The following ITGAM variants were observed in gnomAD, a reference collection of about 807,000 sequenced individuals.
The protein encoded by ITGAM is integrin alpha-M.
ITGAM carries 79 observed loss-of-function variants against 137.5 expected under a neutral mutation model. That is an observed-to-expected ratio of 0.57 (90% confidence interval 0.48 to 0.69). The LOEUF is 0.69. Ranked by LOEUF, ITGAM falls within the 30% of genes least tolerant of loss-of-function variation. The pLI, the probability that ITGAM is intolerant of heterozygous loss-of-function variation, is 0.00. For missense variants in ITGAM, 1,343 were observed against 1,483.5 expected (o/e 0.91, Z 1.56); for synonymous variants, 583 against 592.3 (o/e 0.98, Z 0.23).
chr16:31,282,722 A>G (rs2079983498), intron 12 of ITGAM, among the ~76,000 whole-genome samples: 1 of 152,132 alleles, frequency 6.6e-6, no homozygotes, highest in Non-Finnish European at 1.5e-5. Flanking sequence ...ATTTACATTT[A>G]AGGTTAGTAT....
Position 31,266,772 on chromosome 16 carries a change from G to T in ITGAM, c.427+625G>T, listed in dbSNP as rs1258865849. On this transcript the variant is annotated intron_variant, in intron 5 of 29. Coordinates refer to ENST00000544665, the MANE Select transcript of ITGAM (RefSeq NM_000632.4). Reference sequence around the variant, plus strand: ...TGGTGCAAGGTGTCATTGGCAAGAGGTGGGAATCTTGGGGACCATCCTGGG... The same window carrying T: ...TGGTGCAAGGTGTCATTGGCAAGAGTTGGGAATCTTGGGGACCATCCTGGG... 2.0e-5 allele frequency among the ~76,000 whole-genome samples: 3 copies of T among 152,168 alleles called. No individual in the cohort carries two copies. In the East Asian group the frequency reaches 5.8e-4, roughly 29 times the overall value.
chr16:31,300,037 T>C (rs1478779459), intron 14 of ITGAM, among the ~76,000 whole-genome samples: 2 of 152,106 alleles, frequency 1.3e-5, no homozygotes, highest in Non-Finnish European at 2.9e-5. Flanking sequence ...TTATTTTTAT[T>C]TTTTGTAGAG....
Position 31,328,999 on chromosome 16 carries a change from C to T in ITGAM, c.2793-229C>T. The T allele has an allele frequency of 4.9e-6, 3 of 609,234 alleles. No individual in the cohort carries two copies. The South Asian group carries it at 5.7e-5, about 12-fold the overall frequency. The allele number at this position is 609,234 out of a possible 1,614,324, so 37.7% of individuals were successfully genotyped here. On this transcript the variant is annotated intron_variant, in intron 23 of 29. Coordinates refer to ENST00000544665, the MANE Select transcript of ITGAM (RefSeq NM_000632.4). ...GTCTGTGTGCATGTGTGTATGTGCTCATGGGTGTGCATTTGTGCACGTGTG... is the reference window on the plus strand; with the variant it reads ...GTCTGTGTGCATGTGTGTATGTGCTTATGGGTGTGCATTTGTGCACGTGTG...
intron 11 of ITGAM, among the ~76,000 whole-genome samples, 179 bp from the exon 12 acceptor site, chr16:31,277,788 C>T (rs8045430): frequency 0.057 from 8,608 of 152,158 alleles, 841 homozygotes; most frequent in African/African-American, 0.2. Context: ...CCACCGCACC[C>T]GGCCAGAAAC....
At chr16:31,316,471 A>C (rs1383806882) in intron 14 of ITGAM, among the ~76,000 whole-genome samples, 1 of 151,914 alleles carries the variant, frequency 6.6e-6, no homozygotes, top group Admixed American at 6.6e-5. Flanking sequence ...CCATTGGTCA[A>C]TGTCTCTGTT....
At chr16:31,318,784 T>C (rs953797260) in intron 14 of ITGAM, among the ~76,000 whole-genome samples, 1 of 152,216 alleles carries the variant, frequency 6.6e-6, no homozygotes, top group Non-Finnish European at 1.5e-5. Flanking sequence ...CTTTTATTTC[T>C]CATTTCTTGA....
At chr16:31,265,972 G>T in intron 4 of ITGAM, 58 bp from the exon 5 acceptor site, 2 of 1,591,608 alleles carry the variant, frequency 1.3e-6, no homozygotes, top group Non-Finnish European at 1.7e-6. Context: ...GGGTGGAGGT[G>T]CTGGGGTACA....
At chr16:31,298,080 A>C in intron 14 of ITGAM, 126 bp downstream of exon 14, 1 of 807,402 alleles carries the variant, frequency 1.2e-6, no homozygotes, top group Non-Finnish European at 2.0e-6. Context: ...AAAAATAATA[A>C]CATGTGGCTG....
rs779765414 is a variant in ITGAM, at chr16:31,273,486, G to A, written c.826G>A (p.Asp276Asn). Residue 276 changes from aspartate to asparagine, a missense_variant, in exon 8 of 30, where the codon GAC (aspartate) becomes AAC (asparagine). Coordinates refer to ENST00000544665, the MANE Select transcript of ITGAM (RefSeq NM_000632.4). Reference sequence around the variant, plus strand: ...ATATGAGGATGTCATCCCTGAGGCAGACAGAGAGGGAGTCATTCGCTACGT... The same window carrying A: ...ATATGAGGATGTCATCCCTGAGGCAAACAGAGAGGGAGTCATTCGCTACGT... Reference protein sequence around the residue: ...LGYEDVIPEADREGVIRYVIG... With the variant: ...LGYEDVIPEANREGVIRYVIG... The A allele has an allele frequency of 1.9e-6, 3 of 1,613,776 alleles. No homozygotes were observed. Among genetic ancestry groups the A allele is most frequent in the Non-Finnish European group, 2.5e-6 (3 of 1,179,752 alleles).
chr16:31,311,346 C>A (rs891146237), intron 14 of ITGAM, among the ~76,000 whole-genome samples: 1 of 152,158 alleles, frequency 6.6e-6, no homozygotes, highest in African/African-American at 2.4e-5. Flanking sequence ...AGTGAACAGG[C>A]AACCTACTGA....
At position 31,278,032 on chromosome 16, in the gene ITGAM, C is replaced by G. The variant is rs1361592099; in HGVS notation, c.1279C>G (p.Gln427Glu). ...CCTGGTTCTGGGGGCACCTCGATAT[C>G]AGCACATCGGCCTGGTAGCGATGTT... ...QSLVLGAPRY[Q>E]HIGLVAMFRQ... is the part of the protein sequence containing the mutation. Residue 427 changes from glutamine (Q) to glutamate (E), a missense_variant, in exon 12 of 30, where the codon CAG becomes GAG. Physicochemically the swap from Gln to Glu is conservative, Grantham distance 29. Transcript: ENST00000544665. 3.7e-6 allele frequency: 6 copies of G among 1,607,264 alleles called. No homozygotes were observed. Among genetic ancestry groups the G allele is most frequent in the African/African-American group, 1.3e-5 (1 of 74,758 alleles).
At chr16:31,316,038 CA>C (rs139226828) in intron 14 of ITGAM, among the ~76,000 whole-genome samples, 2 of 67,904 alleles carry the variant, frequency 2.9e-5, no homozygotes, top group Admixed American at 1.6e-4. Flanking sequence ...ACTAAAAATA[CA>C]AAAAATTAGC....
At chr16:31,284,215 C>T (rs953238040) in intron 12 of ITGAM, among the ~76,000 whole-genome samples, 2 of 152,174 alleles carry the variant, frequency 1.3e-5, no homozygotes, top group Non-Finnish European at 2.9e-5. Flanking sequence ...TTCTCAGATC[C>T]AAGCTGCATG....
Position 31,297,627 on chromosome 16 carries a change from G to A in ITGAM, c.1470G>A (p.Gln490=), listed in dbSNP as rs764459690. ...ACTACGAGCAGACCCGAGGGGGCCA[G>A]GTGTCCGTGTGCCCCTTGCCCAGGG... The part of the protein sequence containing the change: ...PHYYEQTRGG[Q]VSVCPLPRGR... The change falls in exon 13 of 30, where the codon CAG becomes CAA. Residue 490 remains glutamine, a synonymous_variant. Coordinates refer to ENST00000544665, the MANE Select transcript of ITGAM (RefSeq NM_000632.4). The A allele has an allele frequency of 6.2e-6, 10 of 1,613,406 alleles. No homozygotes were observed. In the Admixed American group the frequency reaches 1.0e-4, roughly 16 times the overall value.
chr16:31,295,789 C>A lies in ITGAM; in HGVS notation c.1357-1725C>A, dbSNP rs940136636. Among the ~76,000 whole-genome samples, 12 of 151,966 alleles carry A rather than the reference C, an allele frequency of 7.9e-5. No individual in the cohort carries two copies. In the South Asian group the frequency reaches 2.3e-3, roughly 29 times the overall value. ...AAGTAGTGAGAGTGAGCATTCTTGCCTTTTTCCTCATTTTAGTGGTAAAGC... is the reference window on the plus strand; with the variant it reads ...AAGTAGTGAGAGTGAGCATTCTTGCATTTTTCCTCATTTTAGTGGTAAAGC... On this transcript the variant is annotated intron_variant, in intron 12 of 29. Coordinates refer to ENST00000544665, the MANE Select transcript of ITGAM (RefSeq NM_000632.4).
intron 28 of ITGAM, among the ~76,000 whole-genome samples, chr16:31,330,880 G>GAC (rs1351349776): frequency 6.6e-6 from 1 of 151,604 alleles, no homozygotes; most frequent in African/African-American, 2.4e-5. Context: ...GAGATAGACA[G>GAC]AGAGATAGAG....
At chr16:31,272,268 C>T (rs923265501) in intron 7 of ITGAM, among the ~76,000 whole-genome samples, 9 of 150,342 alleles carry the variant, frequency 6.0e-5, no homozygotes, top group African/African-American at 2.0e-4. Flanking sequence ...GGTGAGATAT[C>T]GCCATGTCTC....
intron 14 of ITGAM, among the ~76,000 whole-genome samples, chr16:31,298,827 T>C (rs1031419075): frequency 6.8e-6 from 1 of 148,088 alleles, no homozygotes; most frequent in Admixed American, 6.7e-5. Flanking sequence ...TTTTTTTGCA[T>C]TGGGTCTTGC....
intron 29 of ITGAM, 137 bp downstream of exon 29, chr16:31,331,412 C>G (rs1191837114): frequency 2.9e-6 from 2 of 684,920 alleles, no homozygotes; most frequent in Admixed American, 4.9e-5. Flanking sequence ...GCCTCAGTCT[C>G]TTAGGGAGGG....
Sources: gnomAD v4.1 joint callset for allele counts (sites outside exome capture counted in the v4.1 genomes callset) on GRCh38, gnomAD v4.1.1 for gene constraint, MANE v1.5 for transcripts, NCBI Gene and HGNC (gene_info 2026-07-23, HGNC 2026-07-21) for gene names.